The following MKX variants were observed in gnomAD, a reference collection of about 807,000 sequenced individuals.
MKX encodes mohawk homeobox.
MKX carries 13 observed loss-of-function variants against 36.0 expected under a neutral mutation model. The ratio of observed to expected loss-of-function variants is 0.36; its 90% confidence interval spans 0.24 to 0.57. MKX has a LOEUF of 0.57. Ranked by LOEUF, MKX falls within the 20% of genes least tolerant of loss-of-function variation. The pLI, the probability that MKX is intolerant of heterozygous loss-of-function variation, is 0.79. For synonymous variants in MKX, 176 were observed against 178.3 expected (o/e 0.99, Z 0.10); for missense variants, 458 against 456.4 (o/e 1.00, Z -0.03).
chr10:27,730,153 C>T, intron 5 of MKX, among the ~76,000 whole-genome samples: 1 of 152,182 alleles, frequency 6.6e-6, no homozygotes, highest in Non-Finnish European at 1.5e-5. Context: ...CATTTAGATG[C>T]AATGACCTTA....
intron 5 of MKX, among the ~76,000 whole-genome samples, chr10:27,708,842 C>T (rs921963246): frequency 9.2e-5 from 14 of 151,826 alleles, no homozygotes; most frequent in African/African-American, 7.3e-5. Flanking sequence ...AACAGTGAAT[C>T]GAAAAATATT....
intron 5 of MKX, among the ~76,000 whole-genome samples, chr10:27,683,013 A>G (rs1343464424): frequency 1.3e-5 from 2 of 151,070 alleles, no homozygotes; most frequent in Non-Finnish European, 3.0e-5. Flanking sequence ...AAAAGAAAAG[A>G]AAAAGAAGCG....
intron 5 of MKX, among the ~76,000 whole-genome samples, chr10:27,728,357 C>T (rs550777716): frequency 1.3e-5 from 2 of 152,276 alleles, no homozygotes; most frequent in African/African-American, 4.8e-5. Context: ...CCCCCCAAAA[C>T]GAAAGCTGAA....
rs576085463 is a variant in MKX at position 27,709,455 on chromosome 10, A to G, written c.838+25001T>C. On this transcript the variant is annotated intron_variant, in intron 5 of 6. Transcript: ENST00000419761. Reference sequence around the variant, plus strand: ...CCTGGAACCAAGCCTCCCAAGATACAGAGGGATGACTGTACTGTAGGGTAG... The same window carrying G: ...CCTGGAACCAAGCCTCCCAAGATACGGAGGGATGACTGTACTGTAGGGTAG... Among the ~76,000 whole-genome samples the G allele has an allele frequency of 2.6e-5, 4 of 152,318 alleles. No homozygotes were observed. The East Asian group carries it at 7.7e-4, about 29-fold the overall frequency.
chr10:27,743,142 C>G (rs1834947941), intron 2 of MKX, 86 bp downstream of exon 2: 1 of 1,291,004 alleles, frequency 7.7e-7, no homozygotes, highest in East Asian at 3.1e-5. Flanking sequence ...TCCACCCGCC[C>G]GCGTTGCCAC....
At chr10:27,737,044 G>T (rs1834794225) in intron 3 of MKX, among the ~76,000 whole-genome samples, 1 of 152,118 alleles carries the variant, frequency 6.6e-6, no homozygotes, top group African/African-American at 2.4e-5. Context: ...TAAGTCCTAG[G>T]AATGAATAAG....
intron 5 of MKX, among the ~76,000 whole-genome samples, chr10:27,728,700 A>G (rs1369948564): frequency 6.6e-6 from 1 of 152,228 alleles, no homozygotes; most frequent in Non-Finnish European, 1.5e-5. Flanking sequence ...CGCAGATCCA[A>G]TGGTTTATTG....
intron 5 of MKX, among the ~76,000 whole-genome samples, chr10:27,714,009 CAAAAAAAAAA>C (rs10632508): frequency 9.8e-6 from 1 of 102,528 alleles, no homozygotes; most frequent in African/African-American, 3.1e-5. Context: ...GTGCAAAGAC[CAAAAAAAAAA>C]AAAAAAAAAA....
chr10:27,718,002 A>G (rs1836995400), intron 5 of MKX, among the ~76,000 whole-genome samples: 1 of 152,210 alleles, frequency 6.6e-6, no homozygotes, highest in African/African-American at 2.4e-5. Context: ...TGTAAGCATC[A>G]TAGTTTCCTC....
chr10:27,699,934 T>C (rs139842206), intron 5 of MKX, among the ~76,000 whole-genome samples: 174 of 152,368 alleles, frequency 1.1e-3, no homozygotes, highest in African/African-American at 4.1e-3. Context: ...AACTTGCTTA[T>C]GTTCAGCTGT....
At chr10:27,718,631 G>T (rs1246164831) in intron 5 of MKX, 1 of 415,866 alleles carries the variant, frequency 2.4e-6, no homozygotes, top group South Asian at 1.8e-5. Flanking sequence ...GGTCTAGTGT[G>T]CTACAAGCTT....
In MKX at chr10:27,673,634, A is replaced by G. The variant is rs1256215242; in HGVS notation, c.*1595T>C. ...CTGCAAACAGCAATTTAGAAAACAA[A>G]GTAAAAATATATATATATACACAAA... On this transcript the variant is annotated 3_prime_UTR_variant, in exon 7 of 7. Transcript: ENST00000419761. 1.3e-5 allele frequency: 2 copies of G among 148,518 alleles called. No homozygotes were observed. The highest frequency in any genetic ancestry group is 3.0e-5 in the Non-Finnish European group (2 of 67,754). The allele number at this position is 148,518 out of a possible 1,614,324, so 9.2% of individuals were successfully genotyped here.
At chr10:27,676,609 C>T (rs867721897) in intron 5 of MKX, among the ~76,000 whole-genome samples, 5 of 152,080 alleles carry the variant, frequency 3.3e-5, no homozygotes, top group African/African-American at 9.7e-5. Flanking sequence ...AACTCCTGAC[C>T]TCGTGATCAG....
At chr10:27,711,494 T>TCTCTCCCTTCCTTCCTTC (rs1554772211) in intron 5 of MKX, among the ~76,000 whole-genome samples, 7 of 34,152 alleles carry the variant, frequency 2.0e-4, no homozygotes, top group African/African-American at 1.0e-3. Context: ...TCTCTCTCTC[T>TCTCTCCCTTCCTTCCTTC]CTTCTTTCCT....
Position 27,743,466 on chromosome 10 carries a change from G to T in MKX, c.-51C>A, listed in dbSNP as rs1564370171. ...CGCGGCCGCAGAGCCTCGGGGCTGG[G>T]CCGCCGGGAGCTCCGCAGCGGGGCT... On this transcript the variant is annotated 5_prime_UTR_variant, in exon 2 of 7. Transcript: ENST00000419761. 1 of 1,464,112 alleles carries T rather than the reference G, an allele frequency of 6.8e-7. No homozygotes were observed. Among genetic ancestry groups the T allele is most frequent in the Non-Finnish European group, 9.0e-7 (1 of 1,112,442 alleles). 90.7% of individuals were successfully genotyped at this position (1,464,112 alleles called of 1,614,324 possible).
At chr10:27,718,893 GCA>G (rs1834310875) in intron 5 of MKX, among the ~76,000 whole-genome samples, 3 of 152,114 alleles carry the variant, frequency 2.0e-5, no homozygotes, top group African/African-American at 7.2e-5. Context: ...TCCATTGTGT[GCA>G]CAGTTACTCT....
At chr10:27,692,535 A>C (rs1390263096) in intron 5 of MKX, among the ~76,000 whole-genome samples, 1 of 152,226 alleles carries the variant, frequency 6.6e-6, no homozygotes, top group South Asian at 2.1e-4. Context: ...GGCCCAGTGC[A>C]AAATTGTTGT....
intron 5 of MKX, among the ~76,000 whole-genome samples, chr10:27,711,147 C>A (rs2132592044): frequency 6.6e-6 from 1 of 152,034 alleles, no homozygotes; most frequent in South Asian, 2.1e-4. Context: ...GCTAGAATAC[C>A]CTGGAAACAG....
At chr10:27,677,032 A>C (rs989952384) in intron 5 of MKX, among the ~76,000 whole-genome samples, 4 of 152,306 alleles carry the variant, frequency 2.6e-5, no homozygotes, top group Non-Finnish European at 5.9e-5. Flanking sequence ...TTACCTACTG[A>C]AGGGAAAGAT....
Sources: allele counts gnomAD v4.1 joint callset (sites outside exome capture counted in the v4.1 genomes callset), GRCh38; gene constraint gnomAD v4.1.1; transcripts MANE v1.5; gene names NCBI Gene and HGNC (gene_info 2026-07-23, HGNC 2026-07-21).